Variants in TRPM7 observed in about 807,000 individuals in gnomAD.
TRPM7 encodes transient receptor potential cation channel subfamily M member 7.
A neutral mutation model predicts 229.7 loss-of-function variants in TRPM7; 134 were observed. That is an observed-to-expected ratio of 0.58 (90% confidence interval 0.51 to 0.67). The LOEUF is 0.67. Among genes scored for constraint, TRPM7 ranks in the 30% least tolerant of loss-of-function variants. TRPM7 has a pLI of 0.00. For synonymous variants in TRPM7, 699 were observed against 715.2 expected, an observed-to-expected ratio of 0.98 and a Z score of 0.36; for missense variants, 1,901 against 2,210.0, an observed-to-expected ratio of 0.86 and a Z score of 2.80.
intron 1 of TRPM7, among the ~76,000 whole-genome samples, chr15:50,673,371 C>T (rs550660084): frequency 2.6e-5 from 4 of 152,118 alleles, no homozygotes; most frequent in African/African-American, 9.6e-5. Context: ...ACCCATTGCC[C>T]GACCGGTACA....
intron 3 of TRPM7, among the ~76,000 whole-genome samples, chr15:50,650,120 G>A (rs1358779962): frequency 6.9e-6 from 1 of 144,708 alleles, no homozygotes; most frequent in Non-Finnish European, 1.5e-5. Context: ...TTGAACCTGG[G>A]AGGCGCAGAC....
intron 1 of TRPM7, among the ~76,000 whole-genome samples, chr15:50,674,692 A>T (rs2062057041): frequency 6.6e-6 from 1 of 152,158 alleles, no homozygotes; most frequent in Non-Finnish European, 1.5e-5. Flanking sequence ...AGCTTGAAGA[A>T]ATTCTGTTAG....
chr15:50,618,142 G>A (rs1183253125), intron 13 of TRPM7, among the ~76,000 whole-genome samples: 2 of 151,918 alleles, frequency 1.3e-5, no homozygotes, highest in Non-Finnish European at 2.9e-5. Context: ...CTATAAAAGT[G>A]GTGATAAACG....
chr15:50,641,754 C>T (rs1246190363), intron 5 of TRPM7, among the ~76,000 whole-genome samples: 1 of 152,118 alleles, frequency 6.6e-6, no homozygotes, highest in Admixed American at 6.6e-5. Flanking sequence ...AACCCCAGTA[C>T]TTTGGGAGGC....
chr15:50,613,123 C>T (rs1019605396), intron 15 of TRPM7, among the ~76,000 whole-genome samples: 9 of 152,156 alleles, frequency 5.9e-5, no homozygotes, highest in African/African-American at 2.2e-4. Flanking sequence ...TTTTGTTATA[C>T]ATGTTCTTAA....
At chr15:50,599,793 T>G (rs897411340) in intron 21 of TRPM7, 3 of 152,238 alleles carry the variant, frequency 2.0e-5, no homozygotes, top group African/African-American at 7.2e-5. Flanking sequence ...TGCCTTGTCC[T>G]GGGATATGAA....
Position 50,612,652 on chromosome 15 carries a change from C to T in TRPM7, c.1948G>A (p.Ala650Thr). The T allele has an allele frequency of 1.2e-6, 2 of 1,614,154 alleles. No homozygotes were observed. Among genetic ancestry groups the T allele is most frequent in the South Asian group, 1.1e-5 (1 of 91,084 alleles). The stretch of plus-strand genomic sequence containing the variant: ...ATCTTACAGGCAACTAATGCTTTAG[C>T]CATTGATTCTTCACCATGTTGCCAT... ...FLWQHGEESM[A>T]KALVACKIYR... The change falls in exon 16 of 39, where the codon GCT becomes ACT. Residue 650 changes from alanine (A) to threonine (T), a missense_variant. Physicochemically the swap from Ala to Thr is moderately conservative, Grantham distance 58. Around this residue, in one of 8 missense-constraint regions of TRPM7, gnomAD observed 794 missense variants for 881.9 expected, o/e 0.90. Transcript: ENST00000646667.
At chr15:50,682,434 T>C (rs2062263882) in intron 1 of TRPM7, among the ~76,000 whole-genome samples, 1 of 151,590 alleles carries the variant, frequency 6.6e-6, no homozygotes, top group African/African-American at 2.4e-5. Context: ...AAAAATTAGA[T>C]GGGCGTTGTG....
chr15:50,682,702 G>C (rs2062269322), intron 1 of TRPM7, among the ~76,000 whole-genome samples: 1 of 151,936 alleles, frequency 6.6e-6, no homozygotes, highest in South Asian at 2.1e-4. Flanking sequence ...TAAAGTACAA[G>C]AGGTCCAATT....
rs2141511689 is a variant in TRPM7, at chr15:50,575,752, G to A, written c.4707C>T (p.Ser1569=). ...ERNNLMRLSQ[S]IPFTPVPPRG... is the part of the protein sequence containing the mutation. ...TTGGAGGCACAGGTGTAAATGGAAT[G>A]CTCTGTGATAACCTCATCAAGTTAT... is the stretch of plus-strand genomic sequence containing the variant. The change falls in exon 33 of 39, where the codon AGC becomes AGT. Residue 1569 remains serine, a synonymous_variant. Coordinates refer to ENST00000646667, the MANE Select transcript of TRPM7 (RefSeq NM_017672.6). 6.2e-7 allele frequency: 1 copy of A among 1,613,356 alleles called. No homozygotes were observed. Among genetic ancestry groups the A allele is most frequent in the South Asian group, 1.1e-5 (1 of 90,960 alleles).
chr15:50,592,429 C>G lies in TRPM7; in HGVS notation c.3806G>C (p.Ser1269Thr). Residue 1269 changes from serine to threonine, a missense_variant, in exon 26 of 39, where the codon AGC (serine) becomes ACC (threonine). By Grantham distance (58) the Ser-to-Thr change is moderately conservative. Transcript: ENST00000646667. The stretch of plus-strand genomic sequence containing the variant: ...GTTTTGAGCCAAGTGTTTGGAAATG[C>G]TCAGTTCTCGTGTGATTTCATTATG... The part of the protein sequence containing the change: ...KVHNEITREL[S>T]ISKHLAQNLI... 6.2e-7 allele frequency: 1 copy of G among 1,614,162 alleles called. No individual in the cohort carries two copies. Among genetic ancestry groups the G allele is most frequent in the Non-Finnish European group, 8.5e-7 (1 of 1,180,028 alleles).
At chr15:50,575,846 ATT>A in intron 32 of TRPM7, 21 bp downstream of exon 32, 1 of 1,612,028 alleles carries the variant, frequency 6.2e-7, no homozygotes, top group South Asian at 1.1e-5. Flanking sequence ...ATGCTATTAA[ATT>A]TTGTTTTTAA....
chr15:50,635,664 CAAAAAAAA>C lies in TRPM7; in HGVS notation c.833-1116_833-1109del, dbSNP rs765054880. ...AGCAACAGAGCAAGACTCCATCTCC[CAAAAAAAA>C]AAAAAAAAAAAAAAAAAAAGAGGAC... is the stretch of plus-strand genomic sequence containing the variant. On this transcript the variant is annotated intron_variant, in intron 7 of 38. Transcript: ENST00000646667. Among the ~76,000 whole-genome samples, 18 of 56,580 alleles carry C rather than the reference CAAAAAAAA, an allele frequency of 3.2e-4. 1 individual carries two copies. Among genetic ancestry groups the C allele is most frequent in the Non-Finnish European group, 4.2e-4 (11 of 26,238 alleles). 37.1% of individuals were successfully genotyped at this position (56,580 alleles called of 152,430 possible). A position where few individuals can be genotyped will look rare whatever the true frequency, so the allele number is the denominator to read the frequency against.
chr15:50,647,795 T>C (rs536392351), intron 4 of TRPM7, among the ~76,000 whole-genome samples: 1 of 152,186 alleles, frequency 6.6e-6, no homozygotes, highest in Non-Finnish European at 1.5e-5. Context: ...ATCTGTGGGA[T>C]CCACGTTTAT....
intron 2 of TRPM7, 57 bp from the exon 3 acceptor site, chr15:50,657,876 A>C: frequency 7.0e-7 from 1 of 1,423,980 alleles, no homozygotes; most frequent in Non-Finnish European, 9.7e-7. Flanking sequence ...TCTGATTTTA[A>C]AGTATATAAA....
At chr15:50,634,255 A>C in intron 8 of TRPM7, 127 bp downstream of exon 8, 1 of 629,228 alleles carries the variant, frequency 1.6e-6, no homozygotes, top group East Asian at 3.9e-5. Context: ...TGGGAGGTGG[A>C]GGTTGTAGTA....
At chr15:50,579,268 G>A (rs1408193046) in intron 30 of TRPM7, among the ~76,000 whole-genome samples, 1 of 152,166 alleles carries the variant, frequency 6.6e-6, no homozygotes, top group Non-Finnish European at 1.5e-5. Flanking sequence ...AGGAAAACGG[G>A]TTAGAGGCTT....
At chr15:50,604,576 G>GA (rs376885628) in intron 21 of TRPM7, 11,260 of 77,422 alleles carry the variant, frequency 0.15, 591 homozygotes, top group African/African-American at 0.28. Flanking sequence ...GTCTCAAAAA[G>GA]AAAAAAAAAA....
chr15:50,642,147 G>A (rs1014968147), intron 5 of TRPM7, among the ~76,000 whole-genome samples: 1 of 152,064 alleles, frequency 6.6e-6, no homozygotes, highest in Non-Finnish European at 1.5e-5. Context: ...ACAGTAGTAT[G>A]TTACAAATTA....
Sources: gnomAD v4.1 joint callset for allele counts (sites outside exome capture counted in the v4.1 genomes callset) on GRCh38, gnomAD v4.1.1 for gene constraint, gnomAD v4.1.1 regional missense constraint, MANE v1.5 for transcripts, NCBI Gene and HGNC (gene_info 2026-07-23, HGNC 2026-07-21) for gene names.